Variants in HCN1 observed in about 807,000 individuals in gnomAD.
HCN1 encodes the protein hyperpolarization activated cyclic nucleotide gated potassium channel 1.
A neutral mutation model predicts 78.9 loss-of-function variants in HCN1; 13 were observed. The ratio of observed to expected loss-of-function variants is 0.16; its 90% CI spans 0.11 to 0.26. HCN1 has a LOEUF of 0.26. Ranked by LOEUF, HCN1 falls within the 10% of genes least tolerant of loss-of-function variation. The pLI, the probability that HCN1 is intolerant of heterozygous loss-of-function variation, is 1.00. For synonymous variants in HCN1, 552 were observed against 455.5 expected, an observed-to-expected ratio of 1.21 and a Z score of -2.70; for missense variants, 810 against 1,154.3, an observed-to-expected ratio of 0.70 and a Z score of 4.32.
At chr5:45,507,930 T>C (rs951792018) in intron 2 of HCN1, among the ~76,000 whole-genome samples, 5 of 152,140 alleles carry the variant, frequency 3.3e-5, no homozygotes, top group African/African-American at 9.6e-5. Context: ...TAAAGAGACA[T>C]ATAACATTAT....
At chr5:45,282,396 A>C (rs1745187155) in intron 6 of HCN1, among the ~76,000 whole-genome samples, 1 of 152,198 alleles carries the variant, frequency 6.6e-6, no homozygotes, top group African/African-American at 2.4e-5. Flanking sequence ...AATTATGTGT[A>C]GTGAGTGGAT....
intron 1 of HCN1, among the ~76,000 whole-genome samples, chr5:45,650,015 G>T (rs979588775): frequency 3.9e-5 from 6 of 152,084 alleles, no homozygotes; most frequent in African/African-American, 1.4e-4. Context: ...AAAAACAAAA[G>T]AGTTGTGTAT....
chr5:45,593,216 AC>A (rs1744412523), intron 2 of HCN1, among the ~76,000 whole-genome samples: 1 of 45,802 alleles, frequency 2.2e-5, no homozygotes, highest in Admixed American at 2.8e-4. Context: ...GCACGCGCAC[AC>A]ACACACACAC....
intron 3 of HCN1, among the ~76,000 whole-genome samples, chr5:45,432,694 G>C (rs1353811029): frequency 1.3e-5 from 2 of 152,134 alleles, no homozygotes; most frequent in Non-Finnish European, 2.9e-5. Context: ...TTCATATGAA[G>C]AGATGTTGAA....
intron 3 of HCN1, among the ~76,000 whole-genome samples, chr5:45,446,042 G>T (rs1423047963): frequency 6.6e-6 from 1 of 152,210 alleles, no homozygotes; most frequent in East Asian, 1.9e-4. Flanking sequence ...GACAGAGAAT[G>T]ACTTTGACGA....
At chr5:45,490,246 T>C (rs145657544) in intron 2 of HCN1, among the ~76,000 whole-genome samples, 5 of 152,244 alleles carry the variant, frequency 3.3e-5, no homozygotes, top group Admixed American at 6.5e-5. Context: ...ATTTGCAGGT[T>C]AGTCAGGAGT....
intron 5 of HCN1, among the ~76,000 whole-genome samples, chr5:45,304,102 C>T (rs909223101): frequency 6.6e-6 from 1 of 152,060 alleles, no homozygotes; most frequent in East Asian, 1.9e-4. Flanking sequence ...ATGAAAGTCT[C>T]AACTTTTTTA....
At chr5:45,479,449 A>T (rs996005787) in intron 2 of HCN1, among the ~76,000 whole-genome samples, 2 of 152,230 alleles carry the variant, frequency 1.3e-5, no homozygotes, top group African/African-American at 4.8e-5. Flanking sequence ...ATTGTAAAGG[A>T]GAAAACATAG....
rs1388028463 is a variant in HCN1, at chr5:45,371,995, T to TAC, written c.1231-18750_1231-18749insGT. 8.1e-3 allele frequency among the ~76,000 whole-genome samples: 2 copies of TAC among 248 alleles called. 1 individual carries two copies. The highest frequency in any genetic ancestry group is 0.059 in the East Asian group (2 of 34). The allele number at this position is 248 out of a possible 152,430, so 0.2% of individuals were successfully genotyped here. On this transcript the variant is annotated intron_variant, in intron 4 of 7. Coordinates refer to ENST00000303230, the MANE Select transcript of HCN1 (RefSeq NM_021072.4). ...ATTATGTATATTATATATAATGTAA[T>TAC]ATATATAGTATATATCATATAATAT...
intron 2 of HCN1, among the ~76,000 whole-genome samples, chr5:45,516,336 C>T (rs1030688362): frequency 2.0e-5 from 3 of 151,852 alleles, no homozygotes; most frequent in African/African-American, 7.2e-5. Flanking sequence ...TGATTAAATA[C>T]AGTGTACCAT....
intron 2 of HCN1, among the ~76,000 whole-genome samples, chr5:45,535,806 TTA>T (rs2111814002): frequency 6.6e-6 from 1 of 152,288 alleles, no homozygotes; most frequent in Non-Finnish European, 1.5e-5. Context: ...ATTATATGCA[TTA>T]TATACACTGA....
At chr5:45,494,724 T>C (rs1024841688) in intron 2 of HCN1, among the ~76,000 whole-genome samples, 39 of 152,196 alleles carry the variant, frequency 2.6e-4, no homozygotes, top group Middle Eastern at 3.2e-3. Flanking sequence ...AGGGTTTTTA[T>C]GGTTTTAGGT....
rs147024043 is a variant in HCN1, at chr5:45,630,772, C to T, written c.849+14413G>A. On this transcript the variant is annotated intron_variant, in intron 2 of 7. Coordinates refer to ENST00000303230, the MANE Select transcript of HCN1 (RefSeq NM_021072.4). ...GGTATCACTTTCTCCCTGGAGCCTTCCTTAGCCTCTAAAGCTGTGATACAT... is the reference window on the plus strand; with the variant it reads ...GGTATCACTTTCTCCCTGGAGCCTTTCTTAGCCTCTAAAGCTGTGATACAT... 2.2e-4 allele frequency among the ~76,000 whole-genome samples: 33 copies of T among 152,208 alleles called. No homozygotes were observed. The East Asian group carries it at 6.2e-3, about 29-fold the overall frequency.
Position 45,396,160 on chromosome 5 carries a change from G to A in HCN1, c.1230+332C>T, listed in dbSNP as rs148563098. 2.0e-3 allele frequency among the ~76,000 whole-genome samples: 302 copies of A among 152,116 alleles called. 1 individual carries two copies. The highest frequency in any genetic ancestry group is 3.5e-3 in the Non-Finnish European group (239 of 68,008). Reference sequence around the variant, plus strand: ...ATTTTTCTAACACATACGAGAGAAGGGTTTATTTTAACTATTGACATATGA... The same window carrying A: ...ATTTTTCTAACACATACGAGAGAAGAGTTTATTTTAACTATTGACATATGA... On this transcript the variant is annotated intron_variant, in intron 4 of 7. Transcript: ENST00000303230.
rs555842355 is a variant in HCN1, at chr5:45,678,082, C to G, written c.425+17587G>C. ...CATTTTCCCAAATTCTCCAGTACAT[C>G]TGTTTCTTTCTAATTCTGTTTGGGG... On this transcript the variant is annotated intron_variant, in intron 1 of 7. Transcript: ENST00000303230. Among the ~76,000 whole-genome samples the G allele has an allele frequency of 2.0e-5, 3 of 151,752 alleles. No individual in the cohort carries two copies. In the South Asian group the frequency reaches 6.2e-4, roughly 32 times the overall value.
chr5:45,491,180 C>G (rs1741878029), intron 2 of HCN1, among the ~76,000 whole-genome samples: 1 of 152,052 alleles, frequency 6.6e-6, no homozygotes, highest in South Asian at 2.1e-4. Flanking sequence ...ATGTATTGCC[C>G]TAGAACTCTA....
intron 2 of HCN1, 194 bp downstream of exon 2, chr5:45,644,991 C>T: frequency 5.5e-6 from 3 of 545,030 alleles, no homozygotes; most frequent in Middle Eastern, 4.8e-4. Context: ...TTTTTCAGTT[C>T]ATTCAAATCC....
intron 4 of HCN1, among the ~76,000 whole-genome samples, chr5:45,376,251 A>AGAATATGTATAATATATG (rs1747662525): frequency 4.9e-5 from 2 of 40,844 alleles, no homozygotes; most frequent in South Asian, 7.4e-4. Context: ...TATTCTATAT[A>AGAATATGTATAATATATG]GAATATAGAA....
chr5:45,353,640 A>G (rs1483546851), intron 4 of HCN1, among the ~76,000 whole-genome samples: 1 of 152,046 alleles, frequency 6.6e-6, no homozygotes, highest in Non-Finnish European at 1.5e-5. Context: ...TCTCATACCT[A>G]TGGATAGTAC....
Sources: allele counts gnomAD v4.1 joint callset (sites outside exome capture counted in the v4.1 genomes callset), GRCh38; gene constraint gnomAD v4.1.1; transcripts MANE v1.5; gene names NCBI Gene and HGNC (gene_info 2026-07-23, HGNC 2026-07-21).